Variants in ANKMY1 observed in about 807,000 individuals in gnomAD.
The protein encoded by ANKMY1 is ankyrin repeat and MYND domain-containing protein 1.
A neutral mutation model predicts 102.0 loss-of-function variants in ANKMY1; 98 were observed. That is an observed-to-expected ratio of 0.96 (90% CI 0.82 to 1.14). The LOEUF (loss-of-function observed/expected upper bound fraction) is 1.14, where lower values mean the gene tolerates loss of function less well. Among genes scored for constraint, ANKMY1 ranks in the 50% most tolerant of loss-of-function variants. The pLI, the probability that ANKMY1 is intolerant of heterozygous loss-of-function variation, is 0.00. For missense variants in ANKMY1, 1,330 were observed against 1,347.6 expected (o/e 0.99, Z 0.20); for synonymous variants, 582 against 559.9 (o/e 1.04, Z -0.56).
In ANKMY1 at chr2:240,499,604, C is replaced by T. The variant is rs1184000022; in HGVS notation, c.2806+354G>A. Among the ~76,000 whole-genome samples the T allele has an allele frequency of 3.9e-5, 6 of 151,976 alleles. No individual in the cohort carries two copies. Among genetic ancestry groups the T allele is most frequent in the Non-Finnish European group, 8.8e-5 (6 of 67,944 alleles). The stretch of plus-strand genomic sequence containing the variant: ...GGGGTGTGACCATGCAGGGGAGCAG[C>T]ACCCCAGGCCTCGGGCCCACAGTCC... On this transcript the variant is annotated intron_variant, in intron 15 of 17. Coordinates refer to ENST00000401804, the MANE Select transcript of ANKMY1 (RefSeq NM_001282771.3). This position sits in a 1 kb window ranked among gnomAD's most constrained non-coding sequence, Gnocchi z 4.2.
In ANKMY1 at chr2:240,524,363, C is replaced by A; in HGVS notation, c.1354G>T (p.Val452Phe). The A allele has an allele frequency of 1.3e-6, 2 of 1,593,134 alleles. No homozygotes were observed. The highest frequency in any genetic ancestry group is 8.6e-7 in the Non-Finnish European group (1 of 1,167,998). ...AATGATGATGAAAGGATTGGAACAACTGGGAATTTTGGAGGTTCCTTTGGA... is the reference window on the plus strand; with the variant it reads ...AATGATGATGAAAGGATTGGAACAAATGGGAATTTTGGAGGTTCCTTTGGA... ...PEPQEPPKFP[V>F]VPILSSSFMD... Residue 452 changes from valine (V) to phenylalanine (F), a missense_variant, in exon 8 of 18, where the codon GTT becomes TTT. Transcript: ENST00000401804.
chr2:240,516,097 T>A (rs78956796), intron 9 of ANKMY1, among the ~76,000 whole-genome samples: 1,956 of 151,676 alleles, frequency 0.013, 26 homozygotes, highest in East Asian at 0.035. Context: ...CTTTATTAGG[T>A]CTTACTGTTT....
chr2:240,509,278 G>C lies in ANKMY1; in HGVS notation c.2394+70C>G. 5 of 1,270,220 alleles carry C rather than the reference G, an allele frequency of 3.9e-6. 1 individual carries two copies. In the South Asian group the frequency reaches 6.9e-5, roughly 18 times the overall value. The allele number at this position is 1,270,220 out of a possible 1,614,324, so 78.7% of individuals were successfully genotyped here. ...CCAACAACTTCAAATCCCAATGACGGACTGGTGGGGTGGGCACTGGAGACG... is the reference window on the plus strand; with the variant it reads ...CCAACAACTTCAAATCCCAATGACGCACTGGTGGGGTGGGCACTGGAGACG... On this transcript the variant is annotated intron_variant, in intron 12 of 17. Transcript: ENST00000401804.
chr2:240,548,866 GAT>G (rs903562977), intron 4 of ANKMY1, among the ~76,000 whole-genome samples: 121 of 151,714 alleles, frequency 8.0e-4, no homozygotes, highest in African/African-American at 2.9e-3. Context: ...AATAAAAGAG[GAT>G]ACAAACAAAT....
intron 3 of ANKMY1, chr2:240,554,424 G>A (rs536472791): frequency 6.2e-6 from 1 of 160,030 alleles, no homozygotes; most frequent in African/African-American, 2.4e-5. Flanking sequence ...TCCATGGCAA[G>A]CGCCAACAGA....
At chr2:240,528,583 G>A (rs1054279156) in intron 5 of ANKMY1, among the ~76,000 whole-genome samples, 2 of 152,052 alleles carry the variant, frequency 1.3e-5, no homozygotes, top group Admixed American at 6.6e-5. Flanking sequence ...CTGATGCAAC[G>A]GTGGGGGCAG....
At chr2:240,559,412 G>A (rs1014408077), upstream of ANKMY1, among the ~76,000 whole-genome samples, 5 of 152,174 alleles carry the variant, frequency 3.3e-5, no homozygotes, top group South Asian at 4.1e-4. Context: ...TCCCCTTATG[G>A]CCATGAGAGA....
intron 4 of ANKMY1, 63 bp downstream of exon 4, chr2:240,552,851 G>A: frequency 6.2e-7 from 1 of 1,609,444 alleles, no homozygotes; most frequent in Non-Finnish European, 8.5e-7. Context: ...ATATCTTTTT[G>A]TCCAGTGGCT....
rs555867124 is a variant in ANKMY1, at chr2:240,520,331, C to A, written c.2004+31G>T. ...CCAGTGCCCGGGAGTCTGCTGCGCT[C>A]GTCCCGGCGCCCGCCCGCCGCGGCT... is the stretch of plus-strand genomic sequence containing the variant. On this transcript the variant is annotated intron_variant, in intron 9 of 17. Coordinates refer to ENST00000401804, the MANE Select transcript of ANKMY1 (RefSeq NM_001282771.3). The surrounding 1 kb of genome is among the most constrained non-coding windows in gnomAD (Gnocchi z 4.8). 1.3e-6 allele frequency: 2 copies of A among 1,510,598 alleles called. No individual in the cohort carries two copies. Among genetic ancestry groups the A allele is most frequent in the Non-Finnish European group, 1.8e-6 (2 of 1,124,170 alleles). The allele number at this position is 1,510,598 out of a possible 1,614,324, so 93.6% of individuals were successfully genotyped here. A position where few individuals can be genotyped will look rare whatever the true frequency, so the allele number is the denominator to read the frequency against.
the ANKMY1 span, among the ~76,000 whole-genome samples, chr2:240,468,956 C>G: frequency 0.05 from 7,636 of 152,300 alleles, 455 homozygotes; most frequent in East Asian, 0.19. Flanking sequence ...CTTGCAGGCC[C>G]CTCCGCAAGT....
chr2:240,469,106 T>G, the ANKMY1 span, among the ~76,000 whole-genome samples: 1 of 152,306 alleles, frequency 6.6e-6, no homozygotes, highest in South Asian at 2.1e-4. Flanking sequence ...CGGCTGTAGT[T>G]GTGGACAACG....
chr2:240,469,256 CTG>C, the ANKMY1 span, among the ~76,000 whole-genome samples: 4 of 152,220 alleles, frequency 2.6e-5, no homozygotes, highest in African/African-American at 9.6e-5. Context: ...CGTGTGCACT[CTG>C]TGCAGAGCCG....
At chr2:240,554,818 C>T (rs1269173224) in intron 3 of ANKMY1, 48 bp downstream of exon 3, 2 of 1,602,564 alleles carry the variant, frequency 1.2e-6, no homozygotes, top group Middle Eastern at 1.7e-4. Flanking sequence ...AAAGGCCAGC[C>T]ACCAGAGGCC....
Position 240,525,841 on chromosome 2 carries a change from G to A in ANKMY1, c.1179C>T (p.Cys393=). ...GGAGAAGGTTGACAATGTCGTTGTG[G>A]CAGTGAGTCTGGAGGGAGATGAGGC... ...YTVLAAAATH[C]HNDIVNLLLD... The change falls in exon 7 of 18, where the codon TGC becomes TGT. Residue 393 remains cysteine (C), a synonymous_variant. Transcript: ENST00000401804. 1 of 1,614,014 alleles carries A rather than the reference G, an allele frequency of 6.2e-7. No individual in the cohort carries two copies. The highest frequency in any genetic ancestry group is 1.3e-5 in the African/African-American group (1 of 75,042).
intron 4 of ANKMY1, among the ~76,000 whole-genome samples, chr2:240,534,097 T>C (rs1363450300): frequency 2.6e-5 from 4 of 152,228 alleles, no homozygotes; most frequent in Non-Finnish European, 5.9e-5. Context: ...TTCTCCATAC[T>C]CCACACACTG....
At chr2:240,538,699 G>T (rs2087672893) in intron 4 of ANKMY1, among the ~76,000 whole-genome samples, 1 of 152,164 alleles carries the variant, frequency 6.6e-6, no homozygotes, top group African/African-American at 2.4e-5. Context: ...AGTGGCCCTG[G>T]CGTGCGATCC....
chr2:240,557,314 G>A lies in ANKMY1; in HGVS notation c.22C>T (p.Leu8Phe), dbSNP rs200547924. Reference protein sequence around the residue: MEGAHASLSLEDEVSGAG... With the variant: MEGAHASFSLEDEVSGAG... ...CCAGAGACTTCGTCCTCTAAGCTAA[G>A]GGAGGCATGGGCCCCTTCCATGTCT... Residue 8 changes from leucine (L) to phenylalanine (F), a missense_variant, in exon 2 of 18, where the codon CTT (leucine) becomes TTT (phenylalanine). Transcript: ENST00000401804. The A allele has an allele frequency of 4.5e-5, 71 of 1,581,954 alleles. No homozygotes were observed. In the East Asian group the frequency reaches 1.4e-3, roughly 31 times the overall value.
At chr2:240,552,309 A>G (rs1233311878) in intron 4 of ANKMY1, among the ~76,000 whole-genome samples, 2 of 130,512 alleles carry the variant, frequency 1.5e-5, no homozygotes, top group Non-Finnish European at 3.5e-5. Flanking sequence ...AATATTTTGC[A>G]GAGTTTGTTT....
chr2:240,479,204 T>C (rs1044332761), downstream of ANKMY1, among the ~76,000 whole-genome samples: 4 of 152,204 alleles, frequency 2.6e-5, no homozygotes, highest in Admixed American at 1.3e-4. Flanking sequence ...CGCGGGCTCC[T>C]GGCAAGGTCC....
Sources: gnomAD v4.1 joint callset for allele counts (sites outside exome capture counted in the v4.1 genomes callset) on GRCh38, gnomAD v4.1.1 for gene constraint, Gnocchi (gnomAD v3.1) non-coding constraint, MANE v1.5 for transcripts, NCBI Gene and HGNC (gene_info 2026-07-23, HGNC 2026-07-21) for gene names.